DOT1L: variants seen among roughly 807,000 people sequenced by gnomAD.
DOT1L encodes the protein DOT1 like histone lysine methyltransferase.
In DOT1L, 33 loss-of-function variants were observed where a neutral mutation model predicts 153.3. That is an observed-to-expected ratio of 0.22 (90% CI 0.16 to 0.29). The LOEUF (loss-of-function observed/expected upper bound fraction) is 0.29. Ranked by LOEUF, DOT1L falls within the 10% of genes least tolerant of loss-of-function variation. DOT1L has a pLI of 1.00. For missense variants in DOT1L, 1,847 were observed against 2,119.9 expected (o/e 0.87, Z 2.53); for synonymous variants, 1,135 against 965.1 (o/e 1.18, Z -3.26).
rs2144836685 is a variant in DOT1L, at chr19:2,211,172, G to A, written c.1425G>A (p.Leu475=). ...PSVQRHSPNP[L]LVAPTPPALQ... is the part of the protein sequence containing the mutation. The stretch of plus-strand genomic sequence containing the variant: ...TGCAGCGGCACTCCCCCAACCCGCT[G>A]CTGGTGGCGCCCACCCCGCCCGCGC... The change falls in exon 15 of 28, where the codon CTG becomes CTA. Residue 475 remains leucine (L), a synonymous_variant. Coordinates refer to ENST00000398665, the MANE Select transcript of DOT1L (RefSeq NM_032482.3). The A allele has an allele frequency of 6.2e-7, 1 of 1,612,268 alleles. No individual in the cohort carries two copies. The highest frequency in any genetic ancestry group is 1.1e-5 in the South Asian group (1 of 91,016).
At chr19:2,179,361 G>A (rs1432663648) in intron 1 of DOT1L, among the ~76,000 whole-genome samples, 1 of 149,298 alleles carries the variant, frequency 6.7e-6, no homozygotes, top group Non-Finnish European at 1.5e-5. Flanking sequence ...CTGCACGGCT[G>A]CCTGGGAGAG....
chr19:2,220,452 T>A lies in DOT1L; in HGVS notation c.2806+230T>A, dbSNP rs1211755594. The A allele has an allele frequency of 1.6e-6, 1 of 643,622 alleles. No individual in the cohort carries two copies. The highest frequency in any genetic ancestry group is 1.8e-5 in the African/African-American group (1 of 55,756). The allele number at this position is 643,622 out of a possible 1,614,324, so 39.9% of individuals were successfully genotyped here. On this transcript the variant is annotated intron_variant, in intron 23 of 27. Transcript: ENST00000398665. This position sits in a 1 kb window ranked among gnomAD's most constrained non-coding sequence, Gnocchi z 4.5. ...GCCTCATACCTGGGTCTCCCGACAC[T>A]GACACCTCCTGCTTGGGTGTATTAA... is the stretch of plus-strand genomic sequence containing the variant.
chr19:2,228,595 C>T (rs2024469693), intron 27 of DOT1L: 3 of 985,362 alleles, frequency 3.0e-6, no homozygotes, highest in South Asian at 4.7e-5. Context: ...GTTCCAGCTG[C>T]CCGCAGCTGG....
intron 3 of DOT1L, 35 bp from the exon 4 acceptor site, chr19:2,189,697 C>T (rs370257976): frequency 1.2e-4 from 189 of 1,605,612 alleles, no homozygotes; most frequent in Non-Finnish European, 1.5e-4. Context: ...CTGGCTCCTG[C>T]CCGCATGACC....
chr19:2,217,967 C>T lies in DOT1L; in HGVS notation c.2691+49C>T. 1.3e-6 allele frequency: 2 copies of T among 1,590,314 alleles called. No individual in the cohort carries two copies. The highest frequency in any genetic ancestry group is 1.7e-6 in the Non-Finnish European group (2 of 1,169,838). On this transcript the variant is annotated intron_variant, in intron 22 of 27. Coordinates refer to ENST00000398665, the MANE Select transcript of DOT1L (RefSeq NM_032482.3). The surrounding 1 kb of genome is among the most constrained non-coding windows in gnomAD (Gnocchi z 7.3). ...CCCCAAGGGCCACGTTGAGGCAAAA[C>T]AGTCTGGGGTGCTCGAGACCTGGCT...
intron 15 of DOT1L, 56 bp from the exon 16 acceptor site, chr19:2,211,695 C>G (rs1029526056): frequency 6.1e-6 from 9 of 1,469,912 alleles, no homozygotes; most frequent in Non-Finnish European, 8.3e-6. Flanking sequence ...GCTCCCACCT[C>G]TTCCCTCTCA....
In DOT1L at chr19:2,193,630, C is replaced by T. The variant is rs913331785; in HGVS notation, c.494-59C>T. 3.9e-5 allele frequency: 60 copies of T among 1,552,764 alleles called. No individual in the cohort carries two copies. The highest frequency in any genetic ancestry group is 8.1e-5 in the African/African-American group (6 of 73,878). Reference sequence around the variant, plus strand: ...GTGGCCTCTGTCTCCGAGCCTAGCACGGCCTCCCGGGTGGCATCTGAGCGC... The same window carrying T: ...GTGGCCTCTGTCTCCGAGCCTAGCATGGCCTCCCGGGTGGCATCTGAGCGC... On this transcript the variant is annotated intron_variant, in intron 5 of 27. Transcript: ENST00000398665. This position sits in a 1 kb window ranked among gnomAD's most constrained non-coding sequence, Gnocchi z 5.9.
chr19:2,166,059 C>A (rs1049860187), intron 1 of DOT1L, among the ~76,000 whole-genome samples: 1 of 151,942 alleles, frequency 6.6e-6, no homozygotes, highest in Admixed American at 6.6e-5. Flanking sequence ...TGTGAGCCAC[C>A]GCGCCCGGCC....
intron 2 of DOT1L, among the ~76,000 whole-genome samples, chr19:2,184,452 T>A (rs909968353): frequency 6.6e-6 from 1 of 151,962 alleles, no homozygotes; most frequent in African/African-American, 2.4e-5. Context: ...GTCTGGGGAC[T>A]TGGCGTGGGG....
intron 9 of DOT1L, among the ~76,000 whole-genome samples, chr19:2,205,357 C>T (rs1175764199): frequency 6.6e-6 from 1 of 152,214 alleles, no homozygotes; most frequent in Non-Finnish European, 1.5e-5. Context: ...CGGCTCCTGA[C>T]ACCAAGTTCT....
Position 2,226,932 on chromosome 19 carries a change from G to A in DOT1L, c.4411G>A (p.Gly1471Arg), listed in dbSNP as rs1287116735. ...GTCCTTCCTGGGCCCCTTCCCGCCG[G>A]GACCGCAGTTCGCGCTCGGCCCCAT... ...HRSFLGPFPPGPQFALGPMSL... is the reference protein window; with the variant it reads ...HRSFLGPFPPRPQFALGPMSL... Residue 1471 changes from glycine (G) to arginine (R), a missense_variant, in exon 27 of 28, where the codon GGA (glycine) becomes AGA (arginine). Physicochemically the swap from Gly to Arg is moderately radical, Grantham distance 125. This residue lies in a region of DOT1L where 934 missense variants were observed against 825.3 expected (regional missense o/e 1.13). Transcript: ENST00000398665. The A allele has an allele frequency of 1.9e-6, 3 of 1,583,046 alleles. No individual in the cohort carries two copies. In the South Asian group the frequency reaches 3.4e-5, roughly 18 times the overall value.
At chr19:2,187,337 C>T (rs938340720) in intron 3 of DOT1L, among the ~76,000 whole-genome samples, 5 of 152,250 alleles carry the variant, frequency 3.3e-5, no homozygotes, top group Admixed American at 6.5e-5. Context: ...GCGTGTCAGA[C>T]GCTGTGCTCA....
intron 1 of DOT1L, among the ~76,000 whole-genome samples, chr19:2,172,538 C>CT (rs2021698981): frequency 7.2e-6 from 1 of 139,846 alleles, no homozygotes; most frequent in Non-Finnish European, 1.5e-5. Flanking sequence ...GAGTCTCACT[C>CT]TTTTTACTCA....
At chr19:2,175,735 C>T (rs375562227) in intron 1 of DOT1L, among the ~76,000 whole-genome samples, 12 of 152,192 alleles carry the variant, frequency 7.9e-5, no homozygotes, top group African/African-American at 2.4e-4. Flanking sequence ...GAGGCTGAGA[C>T]GGGAAAATCG....
Position 2,207,297 on chromosome 19 carries a change from T to G in DOT1L, c.857-277T>G, listed in dbSNP as rs910134114. ...GCTGGCCGTTCTTGCAGCCGTGATC[T>G]AAGTCGCTTCCAGATCTTCTCCCCC... On this transcript the variant is annotated intron_variant, in intron 10 of 27. Transcript: ENST00000398665. The surrounding 1 kb of genome is among the most constrained non-coding windows in gnomAD (Gnocchi z 4.5). Among the ~76,000 whole-genome samples the G allele has an allele frequency of 1.3e-5, 2 of 152,216 alleles. No individual in the cohort carries two copies. The highest frequency in any genetic ancestry group is 2.9e-5 in the Non-Finnish European group (2 of 68,028).
chr19:2,199,798 A>G (rs540306050), intron 7 of DOT1L, 86 bp from the exon 8 acceptor site: 2 of 1,431,088 alleles, frequency 1.4e-6, no homozygotes, highest in South Asian at 1.2e-5. Context: ...AGCTGTGTTC[A>G]TTCCATTCTT....
chr19:2,174,053 G>C (rs2021786113), intron 1 of DOT1L, among the ~76,000 whole-genome samples: 1 of 152,188 alleles, frequency 6.6e-6, no homozygotes, highest in Non-Finnish European at 1.5e-5. Context: ...TGAACTCCTG[G>C]CTCAAGCGAT....
chr19:2,209,508 G>C (rs1277421344), intron 12 of DOT1L, among the ~76,000 whole-genome samples: 1 of 152,188 alleles, frequency 6.6e-6, no homozygotes, highest in Non-Finnish European at 1.5e-5. Context: ...TCCCACCCTC[G>C]GTGCAGAGTG....
chr19:2,211,638 A>T, intron 15 of DOT1L, 113 bp from the exon 16 acceptor site: 5 of 899,754 alleles, frequency 5.6e-6, no homozygotes, highest in Non-Finnish European at 8.4e-6. Flanking sequence ...CTCCTGCCTC[A>T]TGAGTGCCTG....
Sources: allele counts gnomAD v4.1 joint callset (sites outside exome capture counted in the v4.1 genomes callset), GRCh38; gene constraint gnomAD v4.1.1; regional missense constraint gnomAD v4.1.1; non-coding constraint Gnocchi (gnomAD v3.1); transcripts MANE v1.5; gene names NCBI Gene and HGNC (gene_info 2026-07-23, HGNC 2026-07-21).